The following ACSF3 variants were observed in gnomAD, a reference collection of about 807,000 sequenced individuals.
ACSF3 encodes malonate--CoA ligase ACSF3, mitochondrial.
ACSF3 carries 78 observed loss-of-function variants against 53.2 expected under a neutral mutation model. The ratio of observed to expected loss-of-function variants is 1.47; its 90% CI spans 1.22 to 1.77. The LOEUF (loss-of-function observed/expected upper bound fraction) is 1.77. Ranked by LOEUF, ACSF3 falls within the 40% of genes most tolerant of loss-of-function variation. ACSF3 has a pLI of 0.00. For missense variants in ACSF3, 937 were observed against 771.1 expected (o/e 1.22, Z -2.55); for synonymous variants, 414 against 333.1 (o/e 1.24, Z -2.65).
At position 89,129,856 on chromosome 16, in the gene ACSF3, C is replaced by A. The variant is rs528240949; in HGVS notation, c.1240-3280C>A. ...TCTACTTAAAGTCAACATTTTAACA[C>A]TTCCAGAAGAATGTAGAGCCACATC... On this transcript the variant is annotated intron_variant, in intron 7 of 10. Transcript: ENST00000614302. 1.1e-3 allele frequency among the ~76,000 whole-genome samples: 172 copies of A among 152,330 alleles called. 2 individuals carry two copies. The highest frequency in any genetic ancestry group is 3.8e-3 in the African/African-American group (156 of 41,564).
chr16:89,130,481 G>C (rs551982829), intron 7 of ACSF3, among the ~76,000 whole-genome samples: 82 of 147,966 alleles, frequency 5.5e-4, no homozygotes, highest in Non-Finnish European at 9.8e-4. Flanking sequence ...GGCTGAGGCT[G>C]GAGGATTGTT....
intron 7 of ACSF3, among the ~76,000 whole-genome samples, chr16:89,132,129 C>G (rs553593410): frequency 1.3e-5 from 2 of 152,384 alleles, no homozygotes; most frequent in East Asian, 3.9e-4. Context: ...CGCCCTTTCT[C>G]CACATCAGAT....
Position 89,101,086 on chromosome 16 carries a change from G to T in ACSF3, c.405G>T (p.Glu135Asp). Residue 135 changes from glutamate (E) to aspartate (D), a missense_variant, in exon 3 of 11, where the codon GAG becomes GAT. By Grantham distance (45) the Glu-to-Asp change is conservative (BLOSUM62 2). Transcript: ENST00000614302. The part of the protein sequence containing the change: ...LYRKHPAAQL[E>D]YVICDSQSSV... ...GGAAGCATCCCGCGGCCCAGCTGGA[G>T]TATGTCATCTGCGACTCCCAGAGCT... The T allele has an allele frequency of 6.2e-7, 1 of 1,614,134 alleles. No homozygotes were observed. The highest frequency in any genetic ancestry group is 8.5e-7 in the Non-Finnish European group (1 of 1,180,032).
Position 89,114,453 on chromosome 16 carries a change from G to T in ACSF3, c.1092G>T (p.Leu364=), listed in dbSNP as rs775808630. The T allele has an allele frequency of 3.1e-6, 5 of 1,613,204 alleles. No individual in the cohort carries two copies. The African/African-American group carries it at 6.7e-5, about 22-fold the overall frequency. ...RYGMTEIGMA[L]SGPLTTAVRL... ...GCATGACCGAGATCGGCATGGCTCT[G>T]TCCGGGCCCCTGACCACTGCCGTGC... is the stretch of plus-strand genomic sequence containing the variant. Residue 364 remains leucine (L), a synonymous_variant, in exon 6 of 11, where the codon CTG becomes CTT. Coordinates refer to ENST00000614302, the MANE Select transcript of ACSF3 (RefSeq NM_001243279.3).
At chr16:89,117,981 C>G (rs1423539056) in intron 6 of ACSF3, among the ~76,000 whole-genome samples, 2 of 110,900 alleles carry the variant, frequency 1.8e-5, no homozygotes, top group African/African-American at 6.9e-5. Context: ...AGGACATTCC[C>G]TCTTCTCTAA....
At chr16:89,139,013 C>G (rs553582731) in intron 8 of ACSF3, among the ~76,000 whole-genome samples, 32 of 152,370 alleles carry the variant, frequency 2.1e-4, no homozygotes, top group African/African-American at 7.5e-4. Flanking sequence ...GGGCCGCCAG[C>G]ACCGCCACCT....
intron 1 of ACSF3, among the ~76,000 whole-genome samples, chr16:89,095,775 G>C (rs557914634): frequency 6.6e-6 from 1 of 152,236 alleles, no homozygotes; most frequent in Non-Finnish European, 1.5e-5. Flanking sequence ...TGCCTGGCCT[G>C]TGCCGGGCCA....
chr16:89,110,661 C>T (rs936211673), intron 4 of ACSF3, among the ~76,000 whole-genome samples: 3 of 152,266 alleles, frequency 2.0e-5, no homozygotes, highest in East Asian at 1.9e-4. Flanking sequence ...TCGTGTAAAA[C>T]GTAGGATAAG....
At chr16:89,101,609 A>G (rs1975353548) in intron 3 of ACSF3, among the ~76,000 whole-genome samples, 2 of 152,156 alleles carry the variant, frequency 1.3e-5, no homozygotes, top group South Asian at 2.1e-4. Context: ...ACCATGCGGC[A>G]TGAGGTCAGA....
chr16:89,154,112 G>T lies in ACSF3; in HGVS notation c.1636G>T (p.Val546Leu). 1 of 1,613,192 alleles carries T rather than the reference G, an allele frequency of 6.2e-7. No homozygotes were observed. The highest frequency in any genetic ancestry group is 8.5e-7 in the Non-Finnish European group (1 of 1,179,680). ...CAGAAATGTCCTGGCCCCGTACGCG[G>T]TGCCCTCGGAGCTGGTGCTGGTGGA... ...WARNVLAPYA[V>L]PSELVLVEEI... The change falls in exon 11 of 11, where the codon GTG becomes TTG. Residue 546 changes from valine (V) to leucine (L), a missense_variant. Transcript: ENST00000614302.
In ACSF3 at chr16:89,145,407, T is replaced by C. The variant is rs769549722; in HGVS notation, c.1501+6T>C. ...GGCCCACCCCAGCATCACAGGTGCGTGGCCGGACTTGGGCCAGGGAGGCCA... is the reference window on the plus strand; with the variant it reads ...GGCCCACCCCAGCATCACAGGTGCGCGGCCGGACTTGGGCCAGGGAGGCCA... On this transcript the variant is annotated splice_donor_region_variant and intron_variant, in intron 9 of 10. Transcript: ENST00000614302. The C allele has an allele frequency of 3.1e-6, 5 of 1,613,856 alleles. No individual in the cohort carries two copies. In the African/African-American group the frequency reaches 5.3e-5, roughly 17 times the overall value.
At chr16:89,117,140 C>T (rs972125507) in intron 6 of ACSF3, among the ~76,000 whole-genome samples, 2 of 152,184 alleles carry the variant, frequency 1.3e-5, no homozygotes, top group African/African-American at 4.8e-5. Context: ...CTCTTTGTTC[C>T]GGACATGTGA....
At chr16:89,126,927 C>T (rs1908238517) in intron 7 of ACSF3, among the ~76,000 whole-genome samples, 1 of 152,270 alleles carries the variant, frequency 6.6e-6, no homozygotes, top group South Asian at 2.1e-4. Context: ...TCCATTCTAT[C>T]TATAATGTGC....
chr16:89,152,940 A>G (rs1323963689), intron 10 of ACSF3: 1 of 151,930 alleles, frequency 6.6e-6, no homozygotes, highest in Non-Finnish European at 1.5e-5. Flanking sequence ...GTTGACAGCG[A>G]CACCGAGGTC....
intron 10 of ACSF3, chr16:89,151,362 GAA>G: frequency 2.6e-6 from 1 of 382,564 alleles, no homozygotes; most frequent in South Asian, 2.0e-5. Context: ...AGTCTCTGAT[GAA>G]ACAGAGTGGG....
intron 8 of ACSF3, among the ~76,000 whole-genome samples, chr16:89,135,922 C>A (rs983358173): frequency 6.6e-6 from 1 of 152,186 alleles, no homozygotes; most frequent in South Asian, 2.1e-4. Flanking sequence ...TTACAGGCGC[C>A]CGCCACCACG....
chr16:89,131,846 C>T (rs1213643699), intron 7 of ACSF3, among the ~76,000 whole-genome samples: 1 of 152,270 alleles, frequency 6.6e-6, no homozygotes, highest in Non-Finnish European at 1.5e-5. Context: ...AAAACAAACA[C>T]AAGGCTCTGA....
At chr16:89,151,393 C>A in intron 10 of ACSF3, 1 of 362,610 alleles carries the variant, frequency 2.8e-6, no homozygotes, top group South Asian at 2.1e-5. Flanking sequence ...CTTCCTAACT[C>A]CCCGTATGGG....
chr16:89,155,992 C>CGTTGACCAGCCG lies in ACSF3; in HGVS notation c.*1795_*1806dup, dbSNP rs1329588463. ...CACAAACTACAGAAAGCCTGGAGCT[C>CGTTGACCAGCCG]GTTGACCAGCCGGTTGACCAGAATA... is the stretch of plus-strand genomic sequence containing the variant. On this transcript the variant is annotated 3_prime_UTR_variant, in exon 11 of 11. Transcript: ENST00000614302. 2 of 359,950 alleles carry CGTTGACCAGCCG rather than the reference C, an allele frequency of 5.6e-6. No homozygotes were observed. The highest frequency in any genetic ancestry group is 7.5e-5 in the Admixed American group (2 of 26,494). 22.3% of individuals were successfully genotyped at this position (359,950 alleles called of 1,614,324 possible).
Sources: gnomAD v4.1 joint callset for allele counts (sites outside exome capture counted in the v4.1 genomes callset) on GRCh38, gnomAD v4.1.1 for gene constraint, MANE v1.5 for transcripts, NCBI Gene and HGNC (gene_info 2026-07-23, HGNC 2026-07-21) for gene names.